The following LRP2BP variants were observed in gnomAD, a reference collection of about 807,000 sequenced individuals.
LRP2BP encodes LRP2-binding protein.
In LRP2BP, 38 loss-of-function variants were observed where a neutral mutation model predicts 45.2. That is an observed-to-expected ratio of 0.84 (90% CI 0.65 to 1.10). The LOEUF (loss-of-function observed/expected upper bound fraction) is 1.10, where lower values mean the gene tolerates loss of function less well. Ranked by LOEUF, LRP2BP falls within the 50% of genes least tolerant of loss-of-function variation. The pLI is 0.00. For missense variants in LRP2BP, 385 were observed against 418.9 expected, an observed-to-expected ratio of 0.92 and a Z score of 0.71; for synonymous variants, 153 against 153.9, an observed-to-expected ratio of 0.99 and a Z score of 0.04.
upstream of LRP2BP, chr4:185,397,237 G>A: frequency 6.2e-7 from 1 of 1,614,118 alleles, no homozygotes; most frequent in Non-Finnish European, 8.5e-7. Context: ...CCACTTAGCC[G>A]CAGGAAGCGG....
At chr4:185,394,266 A>T (rs1243083315) in intron 1 of LRP2BP, among the ~76,000 whole-genome samples, 3 of 1,616 alleles carry the variant, frequency 1.9e-3, no homozygotes, top group East Asian at 0.5. Flanking sequence ...TTCAGAGTTA[A>T]AAAAAAAAAA....
At chr4:185,394,683 C>T (rs2126858385) in intron 1 of LRP2BP, 96 bp downstream of exon 1, 3 of 866,878 alleles carry the variant, frequency 3.5e-6, no homozygotes, top group South Asian at 1.1e-4. Context: ...AGATATTTTA[C>T]ACTTCTTAGA....
intron 8 of LRP2BP, 32 bp downstream of exon 8, chr4:185,370,608 T>C (rs761809240): frequency 1.9e-6 from 3 of 1,602,370 alleles, no homozygotes; most frequent in African/African-American, 2.7e-5. Context: ...AGTTTCTCTT[T>C]GGGTGAATTT....
rs1226738555 is a variant in LRP2BP at position 185,364,941 on chromosome 4, T to G, written c.*2239A>C. 1 of 152,218 alleles carries G rather than the reference T, an allele frequency of 6.6e-6. No individual in the cohort carries two copies. Among genetic ancestry groups the G allele is most frequent in the South Asian group, 2.1e-4 (1 of 4,832 alleles). 9.4% of individuals were successfully genotyped at this position (152,218 alleles called of 1,614,324 possible). A position where few individuals can be genotyped will look rare whatever the true frequency, so the allele number is the denominator to read the frequency against. ...AGATCACTATTATTTTGTCTCTATA[T>G]TTATTTATGATAAAATGTCATTTTT... On this transcript the variant is annotated 3_prime_UTR_variant, in exon 9 of 9. Transcript: ENST00000505916.
At chr4:185,370,256 C>CA (rs1336160655) in intron 8 of LRP2BP, 2 of 162,210 alleles carry the variant, frequency 1.2e-5, no homozygotes, top group African/African-American at 4.8e-5. Context: ...ATGTCACGCT[C>CA]AAAAAAACTT....
intron 1 of LRP2BP, among the ~76,000 whole-genome samples, chr4:185,384,131 G>C (rs1273531410): frequency 6.6e-6 from 1 of 152,278 alleles, no homozygotes; most frequent in Admixed American, 6.5e-5. Flanking sequence ...GCCCTGGGGA[G>C]TGACGGGAGG....
chr4:185,393,895 A>G (rs1009583385), intron 1 of LRP2BP, among the ~76,000 whole-genome samples: 2 of 152,172 alleles, frequency 1.3e-5, no homozygotes, highest in African/African-American at 4.8e-5. Flanking sequence ...TTCCAGGAAC[A>G]AGGCTACACT....
intron 8 of LRP2BP, among the ~76,000 whole-genome samples, chr4:185,367,866 C>T (rs887669574): frequency 2.6e-5 from 4 of 152,044 alleles, no homozygotes; most frequent in African/African-American, 9.7e-5. Context: ...TCTTTGTTTC[C>T]TGAACTGTTG....
At chr4:185,380,987 A>G (rs1301597366) in intron 1 of LRP2BP, among the ~76,000 whole-genome samples, 1 of 152,148 alleles carries the variant, frequency 6.6e-6, no homozygotes, top group African/African-American at 2.4e-5. Context: ...TGTATATGTA[A>G]GTTTACAGCT....
chr4:185,381,628 G>C (rs1448426582), intron 1 of LRP2BP, among the ~76,000 whole-genome samples: 4 of 152,142 alleles, frequency 2.6e-5, no homozygotes, highest in African/African-American at 9.7e-5. Context: ...TGACTTTTCA[G>C]GAGTCCTAGT....
At chr4:185,393,503 T>C (rs2095493706) in intron 1 of LRP2BP, among the ~76,000 whole-genome samples, 2 of 149,110 alleles carry the variant, frequency 1.3e-5, no homozygotes, top group Admixed American at 6.9e-5. Flanking sequence ...AATTCACTGA[T>C]GCAAGAGTAA....
chr4:185,381,440 G>A (rs2095455990), intron 1 of LRP2BP, among the ~76,000 whole-genome samples: 1 of 152,054 alleles, frequency 6.6e-6, no homozygotes, highest in Admixed American at 6.6e-5. Flanking sequence ...GTAGTTACTG[G>A]GTCAATGACT....
intron 1 of LRP2BP, among the ~76,000 whole-genome samples, chr4:185,392,069 GCTCC>G (rs1268884631): frequency 6.6e-6 from 1 of 152,080 alleles, no homozygotes; most frequent in Non-Finnish European, 1.5e-5. Context: ...AAGAAACTTG[GCTCC>G]CTCCATCAAT....
At chr4:185,387,831 G>A (rs2095476145) in intron 1 of LRP2BP, among the ~76,000 whole-genome samples, 1 of 152,126 alleles carries the variant, frequency 6.6e-6, no homozygotes, top group South Asian at 2.1e-4. Context: ...CCCCAGCCCC[G>A]GGCCTTCTCC....
rs1215491356 is a variant in LRP2BP at position 185,368,456 on chromosome 4, G to A, written c.979-1211C>T. On this transcript the variant is annotated intron_variant, in intron 8 of 8. Transcript: ENST00000505916. ...CCTCCCAACCTGTTCCCTTCCTGCG[G>A]GACACTGCCTCTCCCTCCCAACCCG... Among the ~76,000 whole-genome samples, 4 of 149,592 alleles carry A rather than the reference G, an allele frequency of 2.7e-5. No individual in the cohort carries two copies. In the East Asian group the frequency reaches 7.8e-4, roughly 29 times the overall value.
At chr4:185,383,440 A>G (rs769769650) in intron 1 of LRP2BP, among the ~76,000 whole-genome samples, 9 of 152,230 alleles carry the variant, frequency 5.9e-5, no homozygotes, top group Non-Finnish European at 8.8e-5. Context: ...TGACTGTGCC[A>G]TTGCACTCCA....
At chr4:185,378,337 C>A in intron 1 of LRP2BP, 130 bp from the exon 2 acceptor site, 1 of 1,443,652 alleles carries the variant, frequency 6.9e-7, no homozygotes, top group Non-Finnish European at 9.1e-7. Flanking sequence ...GAACACCAAC[C>A]ACCAACTCCA....
intron 1 of LRP2BP, among the ~76,000 whole-genome samples, chr4:185,379,489 C>T (rs2095448976): frequency 6.6e-6 from 1 of 152,170 alleles, no homozygotes; most frequent in Non-Finnish European, 1.5e-5. Context: ...CAATACCTTA[C>T]TTTGTTTAAA....
In LRP2BP at chr4:185,395,654, C is replaced by A; in HGVS notation, c.-897G>T. On this transcript the variant is annotated 5_prime_UTR_variant, in exon 1 of 9. Coordinates refer to ENST00000505916, the MANE Select transcript of LRP2BP (RefSeq NM_001377440.1). ...ATGAATAAAAATGCTTAAAACTACC[C>A]CTTGGGTAACTAAGTATAACAACAT... 1 of 984,280 alleles carries A rather than the reference C, an allele frequency of 1.0e-6. No individual in the cohort carries two copies. Among genetic ancestry groups the A allele is most frequent in the Non-Finnish European group, 1.2e-6 (1 of 828,962 alleles). The allele number at this position is 984,280 out of a possible 1,614,324, so 61.0% of individuals were successfully genotyped here. A position where few individuals can be genotyped will look rare whatever the true frequency, so the allele number is the denominator to read the frequency against.
Sources: allele counts gnomAD v4.1 joint callset (sites outside exome capture counted in the v4.1 genomes callset), GRCh38; gene constraint gnomAD v4.1.1; transcripts MANE v1.5; gene names NCBI Gene and HGNC (gene_info 2026-07-23, HGNC 2026-07-21).